SYNE3: variants seen among roughly 807,000 people sequenced by gnomAD.
The protein encoded by SYNE3 is nesprin-3.
A neutral mutation model predicts 111.2 loss-of-function variants in SYNE3; 100 were observed. The ratio of observed to expected loss-of-function variants is 0.90; its 90% CI spans 0.77 to 1.06. The LOEUF (loss-of-function observed/expected upper bound fraction) is 1.06, where lower values mean the gene tolerates loss of function less well. Ranked by LOEUF, SYNE3 falls within the 50% of genes least tolerant of loss-of-function variation. The pLI is 0.00. For synonymous variants in SYNE3, 547 were observed against 533.9 expected, an observed-to-expected ratio of 1.02 and a Z score of -0.34; for missense variants, 1,160 against 1,240.3, an observed-to-expected ratio of 0.94 and a Z score of 0.97.
intron 4 of SYNE3, among the ~76,000 whole-genome samples, chr14:95,464,932 A>C (rs1451653318): frequency 2.0e-5 from 3 of 152,252 alleles, no homozygotes; most frequent in Non-Finnish European, 4.4e-5. Flanking sequence ...AATATAAGCT[A>C]TATCTGGGAG....
chr14:95,419,310 T>G, intron 17 of SYNE3, among the ~76,000 whole-genome samples: 1 of 152,168 alleles, frequency 6.6e-6, no homozygotes, highest in Non-Finnish European at 1.5e-5. Context: ...TATTGGATCC[T>G]CTGTTATCTG....
At chr14:95,489,669 C>G (rs1435591714) in intron 1 of SYNE3, among the ~76,000 whole-genome samples, 1 of 152,198 alleles carries the variant, frequency 6.6e-6, no homozygotes, top group African/African-American at 2.4e-5. Context: ...CCAGGCTGGT[C>G]TCAAACTTTC....
At chr14:95,473,397 G>C (rs1332408932) in intron 2 of SYNE3, among the ~76,000 whole-genome samples, 1 of 152,076 alleles carries the variant, frequency 6.6e-6, no homozygotes, top group African/African-American at 2.4e-5. Flanking sequence ...TAACACAGTG[G>C]GCACACAGGC....
intron 6 of SYNE3, among the ~76,000 whole-genome samples, chr14:95,454,093 A>G (rs1447245680): frequency 3.3e-5 from 5 of 152,222 alleles, no homozygotes; most frequent in African/African-American, 1.2e-4. Context: ...TCTCCCTGAA[A>G]CAGATGAGGG....
At chr14:95,471,839 C>T (rs1041921614) in intron 2 of SYNE3, among the ~76,000 whole-genome samples, 3 of 152,112 alleles carry the variant, frequency 2.0e-5, no homozygotes, top group South Asian at 2.1e-4. Flanking sequence ...AGGTGGGGAT[C>T]GGATGTAAGG....
chr14:95,481,037 G>A (rs1889215657), intron 1 of SYNE3, among the ~76,000 whole-genome samples: 2 of 152,186 alleles, frequency 1.3e-5, no homozygotes. Flanking sequence ...CTCTTAGAAT[G>A]CTGCGGGGCT....
At chr14:95,443,032 G>A (rs746671387) in intron 11 of SYNE3, 123 bp downstream of exon 11, 1 of 1,249,312 alleles carries the variant, frequency 8.0e-7, no homozygotes, top group Non-Finnish European at 1.1e-6. Flanking sequence ...AAGAAAACAG[G>A]GAGAAAGAAA....
chr14:95,448,359 C>T (rs1235719094), intron 8 of SYNE3, among the ~76,000 whole-genome samples: 1 of 152,150 alleles, frequency 6.6e-6, no homozygotes, highest in Non-Finnish European at 1.5e-5. Flanking sequence ...GCCCACTGGA[C>T]CCTTGGAAAG....
rs139753695 is a variant in SYNE3, at chr14:95,411,710, ACT to A, written c.*6114_*6115del. ...ATCACTGCAGACACCGGTGAAAAAC[ACT>A]CTGATTACAGAATCCAAAGGAAGCC... On this transcript the variant is annotated 3_prime_UTR_variant, in exon 18 of 18. Transcript: ENST00000682763. 23,067 of 152,198 alleles carry A rather than the reference ACT, an allele frequency of 0.15. 2,147 individuals are homozygous for A. Among genetic ancestry groups the A allele is most frequent in the East Asian group, 0.26 (1,350 of 5,158 alleles). 9.4% of individuals were successfully genotyped at this position (152,198 alleles called of 1,614,324 possible).
At chr14:95,497,685 C>G (rs1885424) in intron 1 of SYNE3, among the ~76,000 whole-genome samples, 1 of 151,982 alleles carries the variant, frequency 6.6e-6, no homozygotes, top group Admixed American at 6.6e-5. Context: ...ATATGGTCTC[C>G]GTCACATCTC....
chr14:95,418,998 A>G (rs1240884930), intron 17 of SYNE3, among the ~76,000 whole-genome samples: 1 of 152,042 alleles, frequency 6.6e-6, no homozygotes, highest in East Asian at 1.9e-4. Flanking sequence ...CACTATTGCC[A>G]TCAGTATCAC....
At position 95,470,993 on chromosome 14, in the gene SYNE3, AAAG is replaced by A. The variant is rs1245381350; in HGVS notation, c.145-3029_145-3027del. Among the ~76,000 whole-genome samples, 10 of 146,290 alleles carry A rather than the reference AAAG, an allele frequency of 6.8e-5. No individual in the cohort carries two copies. Among genetic ancestry groups the A allele is most frequent in the African/African-American group, 1.5e-4 (6 of 39,710 alleles). On this transcript the variant is annotated intron_variant, in intron 2 of 17. Coordinates refer to ENST00000682763, the MANE Select transcript of SYNE3 (RefSeq NM_152592.6). This position sits in a 1 kb window ranked among gnomAD's most constrained non-coding sequence, Gnocchi z 4.2. ...ACACGCCGTCTCAGGAAAAAAAAAA[AAAG>A]AAAGTAAGATGATATTTCTGATTCC...
At chr14:95,466,756 G>C (rs1888207905) in intron 3 of SYNE3, among the ~76,000 whole-genome samples, 1 of 152,224 alleles carries the variant, frequency 6.6e-6, no homozygotes, top group Admixed American at 6.5e-5. Context: ...CTAACAGCAG[G>C]CATGGCCTAA....
chr14:95,487,456 C>T (rs1000065368), intron 1 of SYNE3, among the ~76,000 whole-genome samples: 3 of 152,158 alleles, frequency 2.0e-5, no homozygotes, highest in African/African-American at 4.8e-5. Flanking sequence ...GTTGCTGGCA[C>T]GAACCACAGG....
At position 95,466,072 on chromosome 14, in the gene SYNE3, G is replaced by A. The variant is rs751791161; in HGVS notation, c.486C>T (p.Asn162=). Residue 162 remains asparagine, a synonymous_variant, in exon 4 of 18, where the codon AAC becomes AAT. Transcript: ENST00000682763. ...CCAGGAGCACCGCCTGGTTGTCCAC[G>A]TTGTGCAGCAGCACCTGGGCGTGGC... ...QLSHAQVLLH[N]VDNQAVLLDR... 8 of 1,613,314 alleles carry A rather than the reference G, an allele frequency of 5.0e-6. No homozygotes were observed. Among genetic ancestry groups the A allele is most frequent in the East Asian group, 4.5e-5 (2 of 44,870 alleles).
intron 15 of SYNE3, among the ~76,000 whole-genome samples, chr14:95,436,292 T>A (rs2139382884): frequency 6.6e-6 from 1 of 152,340 alleles, no homozygotes; most frequent in Middle Eastern, 3.4e-3. Flanking sequence ...TGCCTGCTGC[T>A]ATTGCTCTTT....
chr14:95,471,530 G>A (rs1367241537), intron 2 of SYNE3, among the ~76,000 whole-genome samples: 1 of 152,226 alleles, frequency 6.6e-6, no homozygotes, highest in Non-Finnish European at 1.5e-5. Context: ...CCGACCTGGA[G>A]AAGAAACGTC....
intron 7 of SYNE3, 34 bp from the exon 8 acceptor site, chr14:95,450,139 G>T: frequency 1.9e-6 from 3 of 1,553,316 alleles, no homozygotes; most frequent in South Asian, 1.2e-5. Flanking sequence ...AATGAGGGAG[G>T]AGAGAGAGTG....
intron 1 of SYNE3, among the ~76,000 whole-genome samples, chr14:95,496,123 TG>T (rs1357939338): frequency 6.6e-6 from 1 of 152,234 alleles, no homozygotes; most frequent in African/African-American, 2.4e-5. Context: ...TCTTGTCTTC[TG>T]ATCAAGAACT....
Sources: allele counts gnomAD v4.1 joint callset (sites outside exome capture counted in the v4.1 genomes callset), GRCh38; gene constraint gnomAD v4.1.1; non-coding constraint Gnocchi (gnomAD v3.1); transcripts MANE v1.5; gene names NCBI Gene and HGNC (gene_info 2026-07-23, HGNC 2026-07-21).